The following DNAH7 variants were observed in gnomAD, a reference collection of about 807,000 sequenced individuals.
The protein encoded by DNAH7 is dynein axonemal heavy chain 7.
Under a neutral mutation model 444.6 loss-of-function variants are expected in DNAH7, and 397 were observed. The observed-to-expected ratio is 0.89, with a 90% CI of 0.82 to 0.97. The LOEUF is 0.97. Ranked by LOEUF, DNAH7 falls within the 50% of genes least tolerant of loss-of-function variation. The pLI, the probability that DNAH7 is intolerant of heterozygous loss-of-function variation, is 0.00. For missense variants in DNAH7, 4,902 were observed against 4,800.8 expected, an observed-to-expected ratio of 1.02 and a Z score of -0.62; for synonymous variants, 1,636 against 1,624.4, an observed-to-expected ratio of 1.01 and a Z score of -0.17.
At chr2:196,008,132 T>C (rs1408245995) in intron 10 of DNAH7, among the ~76,000 whole-genome samples, 2 of 152,014 alleles carry the variant, frequency 1.3e-5, no homozygotes, top group African/African-American at 2.4e-5. Flanking sequence ...AGGGTTTGAA[T>C]AGACATTTTC....
chr2:195,918,976 C>A (rs1382670236), intron 24 of DNAH7, among the ~76,000 whole-genome samples: 1 of 152,030 alleles, frequency 6.6e-6, no homozygotes, highest in Non-Finnish European at 1.5e-5. Flanking sequence ...TTGGGCCAGG[C>A]GCAGTGGTTC....
At chr2:195,760,335 G>T (rs1034027240) in intron 61 of DNAH7, among the ~76,000 whole-genome samples, 5 of 151,466 alleles carry the variant, frequency 3.3e-5, no homozygotes, top group African/African-American at 1.2e-4. Flanking sequence ...CTCATCCAGG[G>T]CCCAGGGAAA....
rs1405096874 is a variant in DNAH7 at position 195,934,767 on chromosome 2, A to T, written c.3295T>A (p.Cys1099Ser). The part of the protein sequence containing the change: ...PTRVQPHLKK[C>S]FEGIAKVEFT... ...TCTACCTTTGCGATTCCTTCAAAAC[A>T]TTTCTTCAAGTGAGGTTGCACCCTG... Residue 1099 changes from cysteine (C) to serine (S), a missense_variant, in exon 21 of 65, where the codon TGT becomes AGT. Physicochemically the swap from Cys to Ser is moderately radical, Grantham distance 112. Transcript: ENST00000312428. The T allele has an allele frequency of 1.2e-6, 2 of 1,614,064 alleles. No homozygotes were observed. The highest frequency in any genetic ancestry group is 8.5e-7 in the Non-Finnish European group (1 of 1,179,972).
chr2:196,022,662 T>A lies in DNAH7; in HGVS notation c.743+1767A>T, dbSNP rs539512745. Reference sequence around the variant, plus strand: ...ACACATCTTTCCAACACATCTGCAGTGACTTCCTCCACTGAAGTCTTGAGC... The same window carrying A: ...ACACATCTTTCCAACACATCTGCAGAGACTTCCTCCACTGAAGTCTTGAGC... On this transcript the variant is annotated intron_variant, in intron 8 of 64. Coordinates refer to ENST00000312428, the MANE Select transcript of DNAH7 (RefSeq NM_018897.3). Among the ~76,000 whole-genome samples, 3 of 152,308 alleles carry A rather than the reference T, an allele frequency of 2.0e-5. No homozygotes were observed. The East Asian group carries it at 5.8e-4, about 29-fold the overall frequency.
intron 56 of DNAH7, chr2:195,795,934 G>A (rs1696110789): frequency 6.6e-6 from 1 of 152,250 alleles, no homozygotes; most frequent in Admixed American, 6.5e-5. Context: ...GGAGTTAGGA[G>A]TGGGCTAGAG....
rs1415903054 is a variant in DNAH7 at position 195,910,036 on chromosome 2, T to C, written c.4095A>G (p.Lys1365=). 1 of 1,611,578 alleles carries C rather than the reference T, an allele frequency of 6.2e-7. No homozygotes were observed. The highest frequency in any genetic ancestry group is 1.3e-5 in the African/African-American group (1 of 74,806). ...SDGLDYLALG[K]FFKGLLSCGA... ...AGGAGTTAATTCAAACCTTAAAGAA[T>C]TTTCCCAAAGCCAAATAATCCAACC... Residue 1365 remains lysine, a synonymous_variant, in exon 25 of 65, where the codon AAA becomes AAG. Coordinates refer to ENST00000312428, the MANE Select transcript of DNAH7 (RefSeq NM_018897.3).
At chr2:195,867,962 C>T (rs1700446728) in intron 40 of DNAH7, among the ~76,000 whole-genome samples, 1 of 152,036 alleles carries the variant, frequency 6.6e-6, no homozygotes, top group Non-Finnish European at 1.5e-5. Flanking sequence ...ACTGCTAGGT[C>T]ATATGGTAAC....
At chr2:195,843,770 C>T (rs968955117) in intron 47 of DNAH7, among the ~76,000 whole-genome samples, 2 of 152,096 alleles carry the variant, frequency 1.3e-5, no homozygotes, top group Non-Finnish European at 2.9e-5. Context: ...AATGTGTTCA[C>T]CAGAGTTTTA....
chr2:196,007,127 CA>C (rs1694427144), intron 10 of DNAH7, among the ~76,000 whole-genome samples: 1 of 152,038 alleles, frequency 6.6e-6, no homozygotes, highest in African/African-American at 2.4e-5. Context: ...GGACTCAGAA[CA>C]ACAACAATTT....
At chr2:196,005,577 T>C (rs1694325281) in intron 10 of DNAH7, among the ~76,000 whole-genome samples, 1 of 151,914 alleles carries the variant, frequency 6.6e-6, no homozygotes, top group South Asian at 2.1e-4. Flanking sequence ...GGGAATATAA[T>C]ATACAATTGT....
At chr2:195,786,915 G>A (rs1693630933) in intron 58 of DNAH7, 95 bp downstream of exon 58, 1 of 1,285,584 alleles carries the variant, frequency 7.8e-7, no homozygotes, top group Admixed American at 2.5e-5. Context: ...TTTCATAAGA[G>A]TAGAAATTAA....
intron 19 of DNAH7, among the ~76,000 whole-genome samples, chr2:195,937,188 G>T (rs1191922442): frequency 2.0e-5 from 3 of 152,042 alleles, no homozygotes; most frequent in Admixed American, 2.0e-4. Flanking sequence ...TTATTATTTT[G>T]AATTTTATTG....
chr2:196,000,389 T>A (rs1693960740), intron 12 of DNAH7, among the ~76,000 whole-genome samples: 1 of 152,144 alleles, frequency 6.6e-6, no homozygotes, highest in African/African-American at 2.4e-5. Context: ...TAAAGAGACC[T>A]ACAGCATGGC....
intron 42 of DNAH7, 34 bp from the exon 43 acceptor site, chr2:195,858,838 G>A (rs553357255): frequency 4.5e-6 from 7 of 1,549,952 alleles, no homozygotes; most frequent in South Asian, 1.2e-5. Flanking sequence ...AGTTAATCAT[G>A]AGGCTCTGTA....
chr2:196,068,471 C>G (rs1247436680), intron 1 of DNAH7: 4 of 584,018 alleles, frequency 6.8e-6, no homozygotes, highest in Non-Finnish European at 1.1e-5. Flanking sequence ...CGCTAGGCGG[C>G]TAGGTTTGGT....
intron 28 of DNAH7, among the ~76,000 whole-genome samples, chr2:195,899,629 T>C (rs1177195045): frequency 1.3e-5 from 2 of 152,212 alleles, no homozygotes; most frequent in Non-Finnish European, 2.9e-5. Context: ...TAGGATATAA[T>C]TTAAAATCTG....
intron 12 of DNAH7, chr2:195,995,490 T>A (rs553181635): frequency 1.2e-5 from 4 of 343,498 alleles, no homozygotes; most frequent in South Asian, 9.9e-5. Flanking sequence ...TTTGAAACCA[T>A]CTGAGAGGTA....
chr2:195,872,344 A>C lies in DNAH7; in HGVS notation c.6539T>G (p.Leu2180Arg). 1 of 1,613,960 alleles carries C rather than the reference A, an allele frequency of 6.2e-7. No individual in the cohort carries two copies. The highest frequency in any genetic ancestry group is 8.5e-7 in the Non-Finnish European group (1 of 1,179,930). ...TPAKSHYLFN[L>R]RDFSRVIQGV... is the part of the protein sequence containing the mutation. ...TTGAATGACACGGGAGAAATCACGGAGGTTGAACAAGTAGTGAGATTTAGC... is the reference window on the plus strand; with the variant it reads ...TTGAATGACACGGGAGAAATCACGGCGGTTGAACAAGTAGTGAGATTTAGC... The change falls in exon 40 of 65, where the codon CTC becomes CGC. Residue 2180 changes from leucine to arginine, a missense_variant. By Grantham distance (102) the Leu-to-Arg change is moderately radical. Coordinates refer to ENST00000312428, the MANE Select transcript of DNAH7 (RefSeq NM_018897.3).
intron 25 of DNAH7, among the ~76,000 whole-genome samples, chr2:195,908,122 A>G (rs1476022287): frequency 6.6e-6 from 1 of 152,150 alleles, no homozygotes; most frequent in Non-Finnish European, 1.5e-5. Flanking sequence ...ACATAGATTC[A>G]AAAACTGAGC....
Sources: gnomAD v4.1 joint callset for allele counts (sites outside exome capture counted in the v4.1 genomes callset) on GRCh38, gnomAD v4.1.1 for gene constraint, MANE v1.5 for transcripts, NCBI Gene and HGNC (gene_info 2026-07-23, HGNC 2026-07-21) for gene names.